TCAIM: variants seen among roughly 807,000 people sequenced by gnomAD.
The protein encoded by TCAIM is T-cell activation inhibitor, mitochondrial.
TCAIM carries 36 observed loss-of-function variants against 58.6 expected under a neutral mutation model. That is an observed-to-expected ratio of 0.61 (90% CI 0.47 to 0.81). The LOEUF (loss-of-function observed/expected upper bound fraction) is 0.81. Ranked by LOEUF, TCAIM falls within the 30% of genes least tolerant of loss-of-function variation. The pLI, the probability that TCAIM is intolerant of heterozygous loss-of-function variation, is 0.00. For synonymous variants in TCAIM, 172 were observed against 193.6 expected, an observed-to-expected ratio of 0.89 and a Z score of 0.93; for missense variants, 466 against 579.6, an observed-to-expected ratio of 0.80 and a Z score of 2.01.
intron 9 of TCAIM, chr3:44,400,988 A>G: frequency 1.7e-6 from 1 of 602,398 alleles, no homozygotes; most frequent in South Asian, 2.1e-5. Context: ...GGCATGTGAC[A>G]GATAAGGAAG....
rs903197541 is a variant in TCAIM at position 44,408,928 on chromosome 3, G to A, written c.*1246G>A. ...TTCGAGTTTACCCTAAGATACCTTC[G>A]GGCAATATTTTTAACCAACCCAAAA... On this transcript the variant is annotated 3_prime_UTR_variant, in exon 11 of 11. Coordinates refer to ENST00000342649, the MANE Select transcript of TCAIM (RefSeq NM_173826.4). The A allele has an allele frequency of 6.6e-6, 1 of 152,038 alleles. No homozygotes were observed. The highest frequency in any genetic ancestry group is 2.4e-5 in the African/African-American group (1 of 41,370). 9.4% of individuals were successfully genotyped at this position (152,038 alleles called of 1,614,324 possible). A position where few individuals can be genotyped will look rare whatever the true frequency, so the allele number is the denominator to read the frequency against.
At chr3:44,348,362 T>A (rs1408032021) in intron 1 of TCAIM, among the ~76,000 whole-genome samples, 1 of 151,574 alleles carries the variant, frequency 6.6e-6, no homozygotes, top group Non-Finnish European at 1.5e-5. Context: ...TGGGAACAGC[T>A]CCCGGGCAAG....
At position 44,401,292 on chromosome 3, in the gene TCAIM, C is replaced by A. The variant is rs773246354; in HGVS notation, c.1208C>A (p.Thr403Asn). 5.2e-5 allele frequency: 84 copies of A among 1,613,834 alleles called. No individual in the cohort carries two copies. The Middle Eastern group carries it at 8.2e-4, about 16-fold the overall frequency. The change falls in exon 10 of 11, where the codon ACC becomes AAC. Residue 403 changes from threonine (T) to asparagine (N), a missense_variant. Transcript: ENST00000342649. ...GCAAATCTCCAGTGGTTTATTCTCA[C>A]CAAAGCTCAGCAGGCAAGAGAGAAC... ...DPANLQWFIL[T>N]KAQQARENMK...
At chr3:44,377,498 T>C (rs1701584433) in intron 5 of TCAIM, among the ~76,000 whole-genome samples, 1 of 152,222 alleles carries the variant, frequency 6.6e-6, no homozygotes, top group Non-Finnish European at 1.5e-5. Flanking sequence ...AACAGAGGAC[T>C]TGCATAGCAC....
chr3:44,375,045 C>T (rs1249734348), intron 5 of TCAIM, among the ~76,000 whole-genome samples: 2 of 152,086 alleles, frequency 1.3e-5, no homozygotes, highest in African/African-American at 4.8e-5. Context: ...AGCATTAGTC[C>T]TTGTACGTGG....
intron 1 of TCAIM, among the ~76,000 whole-genome samples, chr3:44,352,530 G>C (rs2125629526): frequency 6.6e-6 from 1 of 152,278 alleles, no homozygotes; most frequent in African/African-American, 2.4e-5. Context: ...AGTAAAGAGA[G>C]TTTCATATAC....
At chr3:44,381,252 G>T (rs1701650499) in intron 5 of TCAIM, among the ~76,000 whole-genome samples, 3 of 152,036 alleles carry the variant, frequency 2.0e-5, no homozygotes, top group Admixed American at 1.3e-4. Context: ...CATATTAAAA[G>T]GATTCAATAC....
rs79645368 is a variant in TCAIM at position 44,379,825 on chromosome 3, G to A, written c.572+12117G>A. ...CATACCCCAAACCCCAGCACGTTAC[G>A]TTACACCCATGTAACAAACCTGCAC... On this transcript the variant is annotated intron_variant, in intron 5 of 10. Transcript: ENST00000342649. Among the ~76,000 whole-genome samples the A allele has an allele frequency of 8.0e-3, 1,218 of 152,116 alleles. 40 individuals are homozygous for A. Among genetic ancestry groups the A allele is most frequent in the Admixed American group, 0.062 (939 of 15,268 alleles).
At chr3:44,402,675 A>G (rs1702038321) in intron 10 of TCAIM, among the ~76,000 whole-genome samples, 1 of 152,160 alleles carries the variant, frequency 6.6e-6, no homozygotes, top group Non-Finnish European at 1.5e-5. Flanking sequence ...TGTTTCTAGT[A>G]GGAGATGTGA....
chr3:44,362,517 G>A, intron 4 of TCAIM: 1 of 400,600 alleles, frequency 2.5e-6, no homozygotes, highest in South Asian at 1.3e-4. Flanking sequence ...GTATTTGATA[G>A]TATATGATCT....
In TCAIM at chr3:44,407,451, T is replaced by C; in HGVS notation, c.1260T>C (p.Val420=). 1.3e-6 allele frequency: 2 copies of C among 1,532,446 alleles called. No individual in the cohort carries two copies. The highest frequency in any genetic ancestry group is 1.8e-6 in the Non-Finnish European group (2 of 1,111,264). 94.9% of individuals were successfully genotyped at this position (1,532,446 alleles called of 1,614,324 possible). ...ATTTTCTATATAATAGGTTAAAGGT[T>C]ATTGAAAATGAATTGATACAGGCAT... ...ENMKRKEELK[V]IENELIQAST... The change falls in exon 11 of 11, where the codon GTT becomes GTC. Residue 420 remains valine (V), a synonymous_variant. Transcript: ENST00000342649.
intron 5 of TCAIM, among the ~76,000 whole-genome samples, chr3:44,383,488 G>T (rs550638586): frequency 6.6e-6 from 1 of 152,250 alleles, no homozygotes; most frequent in African/African-American, 2.4e-5. Flanking sequence ...GAAGTACAAG[G>T]AGTAGTCAAA....
Position 44,401,334 on chromosome 3 carries a change from A to G in TCAIM, c.1250A>G (p.Glu417Gly). ...QARENMKRKE[E>G]LKVIENELIQ... ...AGAGAGAACATGAAAAGAAAGGAAG[A>G]GTAAGTACTGCCAGTCTTCTGTAAA... Residue 417 changes from glutamate to glycine, a missense_variant and splice_region_variant, in exon 10 of 11, where the codon GAG becomes GGG. Transcript: ENST00000342649. 6.2e-7 allele frequency: 1 copy of G among 1,613,858 alleles called. No homozygotes were observed. Among genetic ancestry groups the G allele is most frequent in the Non-Finnish European group, 8.5e-7 (1 of 1,179,916 alleles).
chr3:44,395,807 A>C (rs977805025), intron 6 of TCAIM, among the ~76,000 whole-genome samples: 16 of 152,240 alleles, frequency 1.1e-4, no homozygotes, highest in Admixed American at 2.6e-4. Context: ...CAACATGGTG[A>C]AACCCTGTCT....
intron 1 of TCAIM, among the ~76,000 whole-genome samples, chr3:44,352,861 AT>A (rs1353607974): frequency 1.3e-5 from 2 of 151,222 alleles, no homozygotes; most frequent in African/African-American, 4.9e-5. Flanking sequence ...ACTGCTTGGA[AT>A]TCATATGCTT....
intron 1 of TCAIM, among the ~76,000 whole-genome samples, chr3:44,350,030 CA>C (rs1471422137): frequency 1.3e-5 from 2 of 152,186 alleles, no homozygotes; most frequent in Non-Finnish European, 1.5e-5. Context: ...CACCAAATGT[CA>C]TGTGCGTCTG....
chr3:44,365,641 C>T (rs1263762823), intron 4 of TCAIM, among the ~76,000 whole-genome samples: 1 of 152,020 alleles, frequency 6.6e-6, no homozygotes, highest in South Asian at 2.1e-4. Flanking sequence ...ACGTGATACA[C>T]ACATACAAGC....
chr3:44,338,878 C>T (rs747228548), intron 1 of TCAIM, 44 bp downstream of exon 1: 2 of 152,228 alleles, frequency 1.3e-5, no homozygotes, highest in Non-Finnish European at 2.9e-5. Flanking sequence ...CATTCATGCT[C>T]CTCTAGGGGG....
chr3:44,358,189 C>G, intron 3 of TCAIM: 2 of 1,556,944 alleles, frequency 1.3e-6, no homozygotes, highest in South Asian at 1.2e-5. Context: ...TTATCATGAT[C>G]AATCTCTCTC....
Sources: gnomAD v4.1 joint callset for allele counts (sites outside exome capture counted in the v4.1 genomes callset) on GRCh38, gnomAD v4.1.1 for gene constraint, MANE v1.5 for transcripts, NCBI Gene and HGNC (gene_info 2026-07-23, HGNC 2026-07-21) for gene names.